MPPED1: variants seen among roughly 807,000 people sequenced by gnomAD.
MPPED1 encodes metallophosphoesterase domain-containing protein 1.
A neutral mutation model predicts 36.2 loss-of-function variants in MPPED1; 16 were observed. That is an observed-to-expected ratio of 0.44 (90% CI 0.30 to 0.67). The LOEUF (loss-of-function observed/expected upper bound fraction) is 0.67, where lower values mean the gene tolerates loss of function less well. Among genes scored for constraint, MPPED1 ranks in the 30% least tolerant of loss-of-function variants. The probability of loss-of-function intolerance (pLI) is 0.10; values close to 1 mark genes in which losing one functional copy is unlikely to be tolerated. For synonymous variants in MPPED1, 199 were observed against 191.3 expected (o/e 1.04, Z -0.33); for missense variants, 307 against 453.4 (o/e 0.68, Z 2.93).
At chr22:43,460,037 T>C (rs1420440867) in intron 3 of MPPED1, among the ~76,000 whole-genome samples, 2 of 151,734 alleles carry the variant, frequency 1.3e-5, no homozygotes, top group Non-Finnish European at 2.9e-5. Context: ...TGAAACCCCG[T>C]CTCTACTAAA....
chr22:43,417,396 A>AT (rs895562191), intron 1 of MPPED1, among the ~76,000 whole-genome samples: 3 of 139,592 alleles, frequency 2.1e-5, no homozygotes, highest in Admixed American at 1.4e-4. Flanking sequence ...ACGAGGTCTG[A>AT]TTTTTTTTCT....
intron 3 of MPPED1, among the ~76,000 whole-genome samples, chr22:43,448,214 G>T (rs1930432060): frequency 6.6e-6 from 1 of 152,110 alleles, no homozygotes; most frequent in East Asian, 1.9e-4. Context: ...GAGTAACAGG[G>T]CCTGACACCA....
chr22:43,445,781 G>T (rs1410995432), intron 3 of MPPED1, among the ~76,000 whole-genome samples: 1 of 151,652 alleles, frequency 6.6e-6, no homozygotes, highest in Non-Finnish European at 1.5e-5. Context: ...TTTTGCCCAG[G>T]CTGGTCTCGA....
chr22:43,464,134 C>T (rs1178225469), intron 3 of MPPED1, among the ~76,000 whole-genome samples: 1 of 151,840 alleles, frequency 6.6e-6, no homozygotes, highest in Admixed American at 6.6e-5. Context: ...GTCTTGAACT[C>T]CTGACCTCAG....
chr22:43,464,166 C>T (rs1317863007), intron 3 of MPPED1, among the ~76,000 whole-genome samples: 1 of 152,106 alleles, frequency 6.6e-6, no homozygotes, highest in Non-Finnish European at 1.5e-5. Context: ...GCCTCAGCCT[C>T]CCAAAGTGCT....
At chr22:43,484,226 C>T (rs1393896807) in intron 4 of MPPED1, among the ~76,000 whole-genome samples, 2 of 152,220 alleles carry the variant, frequency 1.3e-5, no homozygotes, top group Non-Finnish European at 2.9e-5. Flanking sequence ...GACCCGCATT[C>T]GGCCGACTGC....
intron 2 of MPPED1, among the ~76,000 whole-genome samples, chr22:43,425,571 G>A (rs1031228028): frequency 4.6e-5 from 7 of 152,204 alleles, no homozygotes; most frequent in Non-Finnish European, 8.8e-5. Flanking sequence ...AGCGTCTGGC[G>A]GGGGCCACAT....
intron 2 of MPPED1, among the ~76,000 whole-genome samples, chr22:43,425,797 AAAAGG>A (rs1209083216): frequency 2.0e-5 from 3 of 152,182 alleles, no homozygotes; most frequent in Non-Finnish European, 2.9e-5. Context: ...ATGCTTTTCC[AAAAGG>A]ACTGGGGGAT....
Position 43,506,640 on chromosome 22 carries a change from G to T in MPPED1, c.*1024G>T, listed in dbSNP as rs768143225. 6.6e-6 allele frequency: 1 copy of T among 152,222 alleles called. No individual in the cohort carries two copies. The highest frequency in any genetic ancestry group is 2.4e-5 in the African/African-American group (1 of 41,438). 9.4% of individuals were successfully genotyped at this position (152,222 alleles called of 1,614,324 possible). On this transcript the variant is annotated 3_prime_UTR_variant, in exon 7 of 7. Transcript: ENST00000443721. Reference sequence around the variant, plus strand: ...CAGCCGAGGAAGCCCAGGACCAGCCGGCCCTGTGAATTGGAGGGTGGCACA... The same window carrying T: ...CAGCCGAGGAAGCCCAGGACCAGCCTGCCCTGTGAATTGGAGGGTGGCACA...
At chr22:43,437,983 C>A (rs1202545534) in intron 3 of MPPED1, among the ~76,000 whole-genome samples, 1 of 151,894 alleles carries the variant, frequency 6.6e-6, no homozygotes, top group Non-Finnish European at 1.5e-5. Context: ...GCCCTCCCAA[C>A]AGCAGACACA....
chr22:43,424,864 C>A (rs1231709256), intron 1 of MPPED1, 44 bp from the exon 2 acceptor site: 10 of 1,470,656 alleles, frequency 6.8e-6, no homozygotes, highest in Non-Finnish European at 9.0e-6. Context: ...TAAAGCAAAT[C>A]CCAAACAGAT....
chr22:43,444,213 G>C (rs927802080), intron 3 of MPPED1, among the ~76,000 whole-genome samples: 1 of 151,568 alleles, frequency 6.6e-6, no homozygotes, highest in African/African-American at 2.4e-5. Context: ...CCCTTGAAAG[G>C]TATGCTTAAG....
intron 3 of MPPED1, among the ~76,000 whole-genome samples, chr22:43,473,334 A>G (rs971653604): frequency 1.3e-5 from 2 of 152,176 alleles, no homozygotes; most frequent in Non-Finnish European, 2.9e-5. Flanking sequence ...TAGCAGATGA[A>G]GGTCATGGTC....
At chr22:43,461,111 C>T (rs1391697766) in intron 3 of MPPED1, among the ~76,000 whole-genome samples, 1 of 152,212 alleles carries the variant, frequency 6.6e-6, no homozygotes, top group African/African-American at 2.4e-5. Flanking sequence ...CACCTATAAT[C>T]CTAGCACTTT....
chr22:43,495,491 G>C (rs1259214561), intron 4 of MPPED1, among the ~76,000 whole-genome samples: 2 of 26,060 alleles, frequency 7.7e-5, no homozygotes, highest in African/African-American at 1.1e-3. Flanking sequence ...GGTGGTGGAG[G>C]TAGTGGTGGT....
chr22:43,460,245 AAACAAAAACAAACCCAAACCCCCCCCCC>A, intron 3 of MPPED1, among the ~76,000 whole-genome samples: 2 of 64,558 alleles, frequency 3.1e-5, no homozygotes, highest in Admixed American at 1.7e-4. Context: ...ACAAAAACAA[AAACAAAAACAAACCCAAACCCCCCCCCC>A]CAAACCCAAA....
At chr22:43,495,516 TGGTG>T (rs1932263275) in intron 4 of MPPED1, among the ~76,000 whole-genome samples, 1 of 117,026 alleles carries the variant, frequency 8.5e-6, no homozygotes, top group African/African-American at 3.2e-5. Flanking sequence ...GTGGTGGTGG[TGGTG>T]GAGGTGGTGG....
chr22:43,460,300 A>C (rs1040828472), intron 3 of MPPED1, among the ~76,000 whole-genome samples: 4 of 149,062 alleles, frequency 2.7e-5, no homozygotes, highest in Admixed American at 1.3e-4. Context: ...CAAAACAAAA[A>C]AAACTGGATT....
chr22:43,456,343 A>G (rs368025502), intron 3 of MPPED1, among the ~76,000 whole-genome samples: 2 of 152,064 alleles, frequency 1.3e-5, no homozygotes, highest in African/African-American at 4.8e-5. Context: ...CCTAGGCTGG[A>G]CTTGAGTGCC....
Sources: allele counts gnomAD v4.1 joint callset (sites outside exome capture counted in the v4.1 genomes callset), GRCh38; gene constraint gnomAD v4.1.1; transcripts MANE v1.5; gene names NCBI Gene and HGNC (gene_info 2026-07-23, HGNC 2026-07-21).